The following PSMA1 variants were observed in gnomAD, a reference collection of about 807,000 sequenced individuals.
PSMA1 encodes the protein proteasome 20S subunit alpha 1, also known as proteasome subunit alpha type-1.
Under a neutral mutation model 38.4 loss-of-function variants are expected in PSMA1, and 3 were observed. The ratio of observed to expected loss-of-function variants is 0.08; its 90% CI spans 0.04 to 0.20. The LOEUF is 0.20. PSMA1 is among the 10% of genes least tolerant of loss of function. The probability of loss-of-function intolerance (pLI) is 1.00; values close to 1 mark genes in which losing one functional copy is unlikely to be tolerated. For missense variants in PSMA1, 227 were observed against 325.3 expected (o/e 0.70, Z 2.32); for synonymous variants, 101 against 107.1 (o/e 0.94, Z 0.35).
chr11:14,507,756 A>G lies in PSMA1; in HGVS notation c.635T>C (p.Ile212Thr), dbSNP rs779071930. 1 of 1,598,548 alleles carries G rather than the reference A, an allele frequency of 6.3e-7. No homozygotes were observed. Among genetic ancestry groups the G allele is most frequent in the Non-Finnish European group, 8.6e-7 (1 of 1,166,780 alleles). The part of the protein sequence containing the change: ...EQDLTTKNVS[I>T]GIVGKDLEFT... ...CTCCAAGTCTTTACCAACAATTCCA[A>G]TGGAAACATTCTGAAGGGTAAAATA... The change falls in exon 9 of 10, where the codon ATT becomes ACT. Residue 212 changes from isoleucine (I) to threonine (T), a missense_variant. Coordinates refer to ENST00000396394, the MANE Select transcript of PSMA1 (RefSeq NM_002786.4).
At chr11:14,525,657 C>CT (rs753230343) in intron 2 of PSMA1, among the ~76,000 whole-genome samples, 1 of 152,280 alleles carries the variant, frequency 6.6e-6, no homozygotes, top group East Asian at 1.9e-4. Flanking sequence ...CCCGTACACT[C>CT]TTTTGTCCTC....
chr11:14,629,251 G>C (rs1490969511), intron 1 of PSMA1, among the ~76,000 whole-genome samples: 1 of 151,996 alleles, frequency 6.6e-6, no homozygotes, highest in African/African-American at 2.4e-5. Flanking sequence ...CCATGCCTAT[G>C]TCCTGAATGG....
chr11:14,561,478 C>T (rs1278932357), intron 2 of PSMA1, among the ~76,000 whole-genome samples: 1 of 152,242 alleles, frequency 6.6e-6, no homozygotes, highest in Non-Finnish European at 1.5e-5. Flanking sequence ...TTGCAGTCAG[C>T]TGGTTACCAC....
intron 2 of PSMA1, among the ~76,000 whole-genome samples, chr11:14,596,875 A>T (rs1852502516): frequency 6.6e-6 from 1 of 152,106 alleles, no homozygotes; most frequent in African/African-American, 2.4e-5. Context: ...GATATTGGTT[A>T]TGGGTTTGTC....
At chr11:14,514,077 G>C in intron 5 of PSMA1, 190 bp from the exon 6 acceptor site, 1 of 1,319,302 alleles carries the variant, frequency 7.6e-7, no homozygotes, top group Non-Finnish European at 9.6e-7. Flanking sequence ...ACCTAAGAAA[G>C]AGTGCCAGCA....
chr11:14,566,396 A>G (rs1315923705), intron 2 of PSMA1, among the ~76,000 whole-genome samples: 1 of 152,146 alleles, frequency 6.6e-6, no homozygotes, highest in Non-Finnish European at 1.5e-5. Flanking sequence ...GGATTTCTTC[A>G]CAGTTGGACA....
chr11:14,509,834 C>T (rs1436019105), intron 8 of PSMA1, among the ~76,000 whole-genome samples: 1 of 151,900 alleles, frequency 6.6e-6, no homozygotes, highest in East Asian at 1.9e-4. Flanking sequence ...CGCCATTCTC[C>T]TGCCTCAGCC....
intron 8 of PSMA1, among the ~76,000 whole-genome samples, chr11:14,510,013 G>A (rs751981993): frequency 6.6e-6 from 1 of 152,134 alleles, no homozygotes; most frequent in South Asian, 2.1e-4. Context: ...GTGAGCCACC[G>A]CGCCCAGCCT....
intron 2 of PSMA1, among the ~76,000 whole-genome samples, chr11:14,528,077 T>A (rs1008265306): frequency 6.6e-6 from 1 of 151,294 alleles, no homozygotes; most frequent in Non-Finnish European, 1.5e-5. Flanking sequence ...TCCTCCAAAA[T>A]CGCTGAGGCC....
chr11:14,512,047 T>C (rs1851353031), intron 7 of PSMA1, among the ~76,000 whole-genome samples: 3 of 152,192 alleles, frequency 2.0e-5, no homozygotes, highest in South Asian at 2.1e-4. Flanking sequence ...CAAATATGAT[T>C]TGTACACTGA....
intron 2 of PSMA1, among the ~76,000 whole-genome samples, chr11:14,531,319 C>A (rs566998520): frequency 6.6e-6 from 1 of 152,238 alleles, no homozygotes; most frequent in Non-Finnish European, 1.5e-5. Flanking sequence ...CTATTGTTCC[C>A]ATCTTTGTGT....
intron 2 of PSMA1, among the ~76,000 whole-genome samples, chr11:14,525,821 G>A (rs529534791): frequency 8.9e-4 from 136 of 152,208 alleles, no homozygotes; most frequent in African/African-American, 2.9e-3. Flanking sequence ...CTGTGCTGCC[G>A]CAAGGCTTCA....
chr11:14,599,427 T>C (rs1565054854), intron 2 of PSMA1, among the ~76,000 whole-genome samples: 1 of 152,184 alleles, frequency 6.6e-6, no homozygotes, highest in Non-Finnish European at 1.5e-5. Flanking sequence ...CTTGGAGGCT[T>C]TGTTCATTTC....
chr11:14,621,431 AT>A (rs887182875), intron 1 of PSMA1, among the ~76,000 whole-genome samples: 4 of 151,544 alleles, frequency 2.6e-5, no homozygotes, highest in Non-Finnish European at 4.4e-5. Flanking sequence ...CTAATTTTCA[AT>A]GTTTTGTTTT....
At chr11:14,576,507 G>C (rs1250262887) in intron 2 of PSMA1, among the ~76,000 whole-genome samples, 2 of 152,182 alleles carry the variant, frequency 1.3e-5, no homozygotes, top group African/African-American at 4.8e-5. Flanking sequence ...TGGCTAGCCA[G>C]TTTTCCCAGC....
Position 14,514,341 on chromosome 11 carries a change from T to C in PSMA1, c.343+62A>G, listed in dbSNP as rs544634704. 9.9e-5 allele frequency: 149 copies of C among 1,509,558 alleles called. 3 individuals carry two copies. In the South Asian group the frequency reaches 1.9e-3, roughly 19 times the overall value. 93.5% of individuals were successfully genotyped at this position (1,509,558 alleles called of 1,614,324 possible). ...CATATTATTATTATATTCCTAATAA[T>C]TAACACAAGTATCAAAACCCTTCAA... is the stretch of plus-strand genomic sequence containing the variant. On this transcript the variant is annotated intron_variant, in intron 5 of 9. Coordinates refer to ENST00000396394, the MANE Select transcript of PSMA1 (RefSeq NM_002786.4).
intron 2 of PSMA1, among the ~76,000 whole-genome samples, chr11:14,545,340 C>T (rs549505406): frequency 6.6e-5 from 10 of 152,252 alleles, no homozygotes; most frequent in Admixed American, 2.0e-4. Flanking sequence ...CCAGGATACA[C>T]GTGCAGGACG....
chr11:14,516,415 T>C (rs948166408), intron 4 of PSMA1, among the ~76,000 whole-genome samples: 5 of 152,194 alleles, frequency 3.3e-5, no homozygotes, highest in African/African-American at 1.2e-4. Context: ...TATGTTGCCC[T>C]GGTCTCAAAT....
chr11:14,596,738 C>G (rs1226601971), intron 2 of PSMA1, among the ~76,000 whole-genome samples: 1 of 152,218 alleles, frequency 6.6e-6, no homozygotes, highest in Non-Finnish European at 1.5e-5. Context: ...CCCTTTATTT[C>G]TTTCCCTTGA....
Sources: gnomAD v4.1 joint callset for allele counts (sites outside exome capture counted in the v4.1 genomes callset) on GRCh38, gnomAD v4.1.1 for gene constraint, MANE v1.5 for transcripts, NCBI Gene and HGNC (gene_info 2026-07-23, HGNC 2026-07-21) for gene names.